APOBEC1: variants seen among roughly 807,000 people sequenced by gnomAD.
APOBEC1 encodes apolipoprotein B mRNA editing enzyme catalytic subunit 1.
APOBEC1 carries 22 observed loss-of-function variants against 26.3 expected under a neutral mutation model. The ratio of observed to expected loss-of-function variants is 0.84; its 90% CI spans 0.60 to 1.19. The LOEUF (loss-of-function observed/expected upper bound fraction) is 1.19. Ranked by LOEUF, APOBEC1 falls within the 50% of genes most tolerant of loss-of-function variation. The pLI, the probability that APOBEC1 is intolerant of heterozygous loss-of-function variation, is 0.00. For missense variants in APOBEC1, 253 were observed against 289.0 expected, an observed-to-expected ratio of 0.88 and a Z score of 0.90; for synonymous variants, 77 against 95.3, an observed-to-expected ratio of 0.81 and a Z score of 1.12.
At chr12:7,650,533 C>G (rs188329607) in intron 4 of APOBEC1, among the ~76,000 whole-genome samples, 1 of 152,256 alleles carries the variant, frequency 6.6e-6, no homozygotes, top group Non-Finnish European at 1.5e-5. Flanking sequence ...TTACCTCCCA[C>G]AAACACACTT....
intron 4 of APOBEC1, 101 bp from the exon 5 acceptor site, chr12:7,649,797 A>T (rs1325154022): frequency 2.0e-6 from 2 of 999,722 alleles, no homozygotes; most frequent in Admixed American, 2.7e-5. Context: ...AGACGATTTA[A>T]CTATTTCTTC....
chr12:7,660,259 T>C (rs969881279), intron 1 of APOBEC1, among the ~76,000 whole-genome samples: 7 of 138,804 alleles, frequency 5.0e-5, no homozygotes, highest in African/African-American at 1.6e-4. Flanking sequence ...GCAGAGATCA[T>C]GCCACTGCCC....
At chr12:7,659,024 G>A (rs1189614680) in intron 1 of APOBEC1, among the ~76,000 whole-genome samples, 1 of 148,220 alleles carries the variant, frequency 6.7e-6, no homozygotes, top group East Asian at 2.0e-4. Context: ...GCCGGGCGCG[G>A]TGGCTCATGC....
Position 7,664,671 on chromosome 12 carries a change from T to C in APOBEC1, c.16+1186A>G, listed in dbSNP as rs372803986. Among the ~76,000 whole-genome samples the C allele has an allele frequency of 2.1e-3, 321 of 152,282 alleles. 3 individuals carry two copies. Among genetic ancestry groups the C allele is most frequent in the African/African-American group, 7.3e-3 (305 of 41,560 alleles). ...GGCTTACACCTGTAATCCCAGTACT[T>C]TGGGAGGCCGAGGCTAGTGGATCAC... On this transcript the variant is annotated intron_variant, in intron 1 of 4. Coordinates refer to ENST00000229304, the MANE Select transcript of APOBEC1 (RefSeq NM_001644.5).
At chr12:7,663,783 G>C (rs1002949941) in intron 1 of APOBEC1, among the ~76,000 whole-genome samples, 1 of 152,100 alleles carries the variant, frequency 6.6e-6, no homozygotes, top group African/African-American at 2.4e-5. Context: ...CATAAGAAAA[G>C]TCCAGGGAAG....
At position 7,652,481 on chromosome 12, in the gene APOBEC1, G is replaced by T; in HGVS notation, c.399C>A (p.Asp133Glu). Residue 133 changes from aspartate (D) to glutamate (E), a missense_variant, in exon 3 of 5, where the codon GAC becomes GAA. Asp to Glu is a conservative substitution (Grantham distance 45). Transcript: ENST00000229304. ...MDQQNRQGLRDLVNSGVTIQI... is the reference protein window; with the variant it reads ...MDQQNRQGLRELVNSGVTIQI... ...GAATAGTTACTCCACTGTTAACAAG[G>T]TCCCTGAGACCTTGCCGATTTTGTT... 6.2e-7 allele frequency: 1 copy of T among 1,613,870 alleles called. No individual in the cohort carries two copies. The highest frequency in any genetic ancestry group is 8.5e-7 in the Non-Finnish European group (1 of 1,179,952).
At chr12:7,651,932 TG>T (rs1189565316) in intron 3 of APOBEC1, among the ~76,000 whole-genome samples, 3 of 152,062 alleles carry the variant, frequency 2.0e-5, no homozygotes, top group Admixed American at 2.0e-4. Context: ...GCCATTCTCC[TG>T]CCTCAGCCTC....
intron 1 of APOBEC1, among the ~76,000 whole-genome samples, chr12:7,663,893 G>T (rs1592063924): frequency 6.6e-6 from 1 of 151,038 alleles, no homozygotes; most frequent in East Asian, 1.9e-4. Flanking sequence ...TTTTGCTCTT[G>T]TTGCCCAGGC....
chr12:7,669,969 C>T (rs577612846), upstream of APOBEC1, among the ~76,000 whole-genome samples: 1 of 151,618 alleles, frequency 6.6e-6, no homozygotes, highest in Non-Finnish European at 1.5e-5. Flanking sequence ...TTTGTCTTCC[C>T]TCCCTACCTC....
chr12:7,665,820 T>C (rs1863885938), intron 1 of APOBEC1, 37 bp downstream of exon 1: 1 of 1,567,674 alleles, frequency 6.4e-7, no homozygotes, highest in East Asian at 2.3e-5. Flanking sequence ...TCTTGCATTG[T>C]TCAAGAATAC....
At chr12:7,669,033 GCA>G (rs1565444914), upstream of APOBEC1, among the ~76,000 whole-genome samples, 6 of 151,342 alleles carry the variant, frequency 4.0e-5, no homozygotes, top group Non-Finnish European at 7.4e-5. Context: ...TGCCTGGCCA[GCA>G]CCCCCCAATT....
At position 7,652,786 on chromosome 12, in the gene APOBEC1, G is replaced by T; in HGVS notation, c.94C>A (p.Leu32Ile). The T allele has an allele frequency of 1.9e-6, 3 of 1,611,482 alleles. No homozygotes were observed. The highest frequency in any genetic ancestry group is 2.5e-6 in the Non-Finnish European group (3 of 1,178,894). The change falls in exon 3 of 5, where the codon CTT (leucine) becomes ATT (isoleucine). Residue 32 changes from leucine to isoleucine, a missense_variant. Coordinates refer to ENST00000229304, the MANE Select transcript of APOBEC1 (RefSeq NM_001644.5). The part of the protein sequence containing the change: ...EFDVFYDPRE[L>I]RKEACLLYEI... ...TAGAGCAGACAGGCCTCTTTACGAAGTTCTCTGGGGTCATAGAAGACGTCA... is the reference window on the plus strand; with the variant it reads ...TAGAGCAGACAGGCCTCTTTACGAATTTCTCTGGGGTCATAGAAGACGTCA...
chr12:7,659,294 CAAAAAAAAAAAAAA>C lies in APOBEC1; in HGVS notation c.17-4676_17-4663del, dbSNP rs1163730869. Reference sequence around the variant, plus strand: ...GGGCAACAAGAGTGAAACTCCCTCTCAAAAAAAAAAAAAAAAAAAAAAAAAAAAATATATATATA... The same window carrying C: ...GGGCAACAAGAGTGAAACTCCCTCTCAAAAAAAAAAAAAAATATATATATA... On this transcript the variant is annotated intron_variant, in intron 1 of 4. Transcript: ENST00000229304. 1.0e-2 allele frequency among the ~76,000 whole-genome samples: 165 copies of C among 16,542 alleles called. 4 individuals carry two copies. The highest frequency in any genetic ancestry group is 0.038 in the African/African-American group (158 of 4,192). The allele number at this position is 16,542 out of a possible 152,430, so 10.9% of individuals were successfully genotyped here. A position where few individuals can be genotyped will look rare whatever the true frequency, so the allele number is the denominator to read the frequency against.
At chr12:7,667,158 C>A (rs1030886317), upstream of APOBEC1, among the ~76,000 whole-genome samples, 1 of 151,980 alleles carries the variant, frequency 6.6e-6, no homozygotes, top group Non-Finnish European at 1.5e-5. Context: ...GTGATCCACC[C>A]GCCTCAGCTT....
chr12:7,655,613 C>A (rs1863703291), intron 1 of APOBEC1, among the ~76,000 whole-genome samples: 2 of 152,028 alleles, frequency 1.3e-5, no homozygotes, highest in South Asian at 2.1e-4. Context: ...CTTTGAGGGG[C>A]CTCACAGGGA....
At chr12:7,660,173 G>A (rs1385714893) in intron 1 of APOBEC1, among the ~76,000 whole-genome samples, 1 of 150,646 alleles carries the variant, frequency 6.6e-6, no homozygotes, top group Non-Finnish European at 1.5e-5. Flanking sequence ...TGTGGTGGCA[G>A]GCACCTGTAA....
chr12:7,651,411 G>A (rs1224205780), intron 3 of APOBEC1, among the ~76,000 whole-genome samples: 3 of 151,964 alleles, frequency 2.0e-5, no homozygotes, highest in Admixed American at 6.6e-5. Flanking sequence ...TCAGGAGATC[G>A]AGACCATCCT....
intron 3 of APOBEC1, among the ~76,000 whole-genome samples, chr12:7,651,568 C>T (rs951279848): frequency 8.9e-5 from 13 of 146,114 alleles, no homozygotes; most frequent in African/African-American, 3.0e-4. Flanking sequence ...GTCGAGATTG[C>T]ACCACTGCAC....
intron 1 of APOBEC1, among the ~76,000 whole-genome samples, chr12:7,664,201 T>C (rs2136857934): frequency 6.6e-6 from 1 of 152,198 alleles, no homozygotes; most frequent in South Asian, 2.1e-4. Flanking sequence ...AGAAAATAAA[T>C]TGTTACTTCA....
Sources: allele counts gnomAD v4.1 joint callset (sites outside exome capture counted in the v4.1 genomes callset), GRCh38; gene constraint gnomAD v4.1.1; transcripts MANE v1.5; gene names NCBI Gene and HGNC (gene_info 2026-07-23, HGNC 2026-07-21).